The following STK25 variants were observed in gnomAD, a reference collection of about 807,000 sequenced individuals.
The protein encoded by STK25 is serine/threonine kinase 25.
A neutral mutation model predicts 53.8 loss-of-function variants in STK25; 29 were observed. The ratio of observed to expected loss-of-function variants is 0.54; its 90% CI spans 0.40 to 0.74. The LOEUF (loss-of-function observed/expected upper bound fraction) is 0.74, where lower values mean the gene tolerates loss of function less well. Among genes scored for constraint, STK25 ranks in the 30% least tolerant of loss-of-function variants. The pLI is 0.00. For synonymous variants in STK25, 247 were observed against 238.3 expected (o/e 1.04, Z -0.33); for missense variants, 420 against 568.0 (o/e 0.74, Z 2.65).
At position 241,493,593 on chromosome 2, in the gene STK25, CTTTGT is replaced by C. The variant is rs1559820767; in HGVS notation, c.*2064_*2068del. The C allele has an allele frequency of 7.9e-6, 5 of 629,708 alleles. No individual in the cohort carries two copies. Among genetic ancestry groups the C allele is most frequent in the East Asian group, 2.9e-5 (1 of 34,114 alleles). The allele number at this position is 629,708 out of a possible 1,614,324, so 39.0% of individuals were successfully genotyped here. ...CCAGCATTTCCAAAAAACAGCAATG[CTTTGT>C]TTTTTTTTTTTTTGGAGATGGCGTC... On this transcript the variant is annotated 3_prime_UTR_variant, in exon 12 of 12. Transcript: ENST00000316586.
At chr2:241,498,811 C>A in intron 7 of STK25, 27 bp from the exon 8 acceptor site, 1 of 1,613,004 alleles carries the variant, frequency 6.2e-7, no homozygotes, top group Non-Finnish European at 8.5e-7. Context: ...GAACACTAGT[C>A]ACTGGGCCCA....
Position 241,493,306 on chromosome 2 carries a change from T to TG in STK25, c.*2355dup, listed in dbSNP as rs762201085. ...GCTGTCTTGCAGGATGACTACCCAC[T>TG]GGCCAGCCTCCCGCTGCTGGGCTAC... On this transcript the variant is annotated 3_prime_UTR_variant, in exon 12 of 12. Transcript: ENST00000316586. 1 of 1,613,846 alleles carries TG rather than the reference T, an allele frequency of 6.2e-7. No homozygotes were observed. Among genetic ancestry groups the TG allele is most frequent in the Admixed American group, 1.7e-5 (1 of 60,018 alleles).
At chr2:241,502,780 CAA>C (rs1046191278) in intron 2 of STK25, among the ~76,000 whole-genome samples, 1 of 151,648 alleles carries the variant, frequency 6.6e-6, no homozygotes, top group Non-Finnish European at 1.5e-5. Flanking sequence ...TCATCAAAAA[CAA>C]AAAACCTCAG....
intron 2 of STK25, 151 bp downstream of exon 2, chr2:241,507,855 C>A: frequency 1.3e-6 from 1 of 775,478 alleles, no homozygotes; most frequent in South Asian, 1.9e-5. Context: ...GCCCTGCGCC[C>A]ACCTCAGGAC....
chr2:241,496,369 C>G lies in STK25; in HGVS notation c.1241+29G>C. On this transcript the variant is annotated intron_variant, in intron 11 of 11. Transcript: ENST00000316586. This position sits in a 1 kb window ranked among gnomAD's most constrained non-coding sequence, Gnocchi z 5.8. ...TCCAGCTTCTTGGTGGGGGTGCTCT[C>G]CCCGACCCTATGGCACGGCCGCCCT... is the stretch of plus-strand genomic sequence containing the variant. 6.2e-7 allele frequency: 1 copy of G among 1,603,576 alleles called. No homozygotes were observed. The highest frequency in any genetic ancestry group is 8.5e-7 in the Non-Finnish European group (1 of 1,173,544).
In STK25 at chr2:241,498,790, G is replaced by A; in HGVS notation, c.772-6C>T. 6.2e-7 allele frequency: 1 copy of A among 1,613,806 alleles called. No individual in the cohort carries two copies. The highest frequency in any genetic ancestry group is 8.5e-7 in the Non-Finnish European group (1 of 1,179,878). On this transcript the variant is annotated splice_region_variant and splice_polypyrimidine_tract_variant and intron_variant, in intron 7 of 11. Coordinates refer to ENST00000316586, the MANE Select transcript of STK25 (RefSeq NM_001271977.2). ...AGCTCCTTGGCCGTGGGCCGCTGCA[G>A]GGGGTCAGGGGAACACTAGTCACTG... is the stretch of plus-strand genomic sequence containing the variant.
At position 241,500,197 on chromosome 2, in the gene STK25, G is replaced by T. The variant is rs146467504; in HGVS notation, c.403C>A (p.Arg135Ser). 1 of 1,612,338 alleles carries T rather than the reference G, an allele frequency of 6.2e-7. No individual in the cohort carries two copies. The highest frequency in any genetic ancestry group is 1.1e-5 in the South Asian group (1 of 90,924). ...LKGLDYLHSE[R>S]KIHRDIKAAN... ...CCTTTGATGTCTCGGTGGATCTTGC[G>T]TTCGGAGTGCAGATAATCCAGGCCC... Residue 135 changes from arginine to serine, a missense_variant, in exon 5 of 12, where the codon CGC (arginine) becomes AGC (serine). Transcript: ENST00000316586.
intron 2 of STK25, chr2:241,504,145 T>C (rs1304520557): frequency 2.1e-6 from 1 of 470,654 alleles, no homozygotes; most frequent in Non-Finnish European, 4.4e-6. Flanking sequence ...ACCTAACCTT[T>C]CCCTGCAAGG....
chr2:241,495,227 A>G lies in STK25; in HGVS notation c.*435T>C, dbSNP rs147750538. The G allele has an allele frequency of 2.4e-5, 4 of 168,508 alleles. No individual in the cohort carries two copies. The East Asian group carries it at 6.6e-4, about 28-fold the overall frequency. The allele number at this position is 168,508 out of a possible 1,614,324, so 10.4% of individuals were successfully genotyped here. ...TATGGCCATCATGGGCCCCGGGAGG[A>G]CAGCGGCCAGGACACTCCTCTGGGG... On this transcript the variant is annotated 3_prime_UTR_variant, in exon 12 of 12. Transcript: ENST00000316586.
At chr2:241,495,900 G>A (rs1024664160) in intron 11 of STK25, among the ~76,000 whole-genome samples, 199 bp from the exon 12 acceptor site, 7 of 152,232 alleles carry the variant, frequency 4.6e-5, no homozygotes, top group Admixed American at 2.6e-4. Context: ...GCCCAGGGGC[G>A]CCGGGAAGGG....
chr2:241,503,696 C>CAAA (rs60021706), intron 2 of STK25, among the ~76,000 whole-genome samples: 4 of 100,280 alleles, frequency 4.0e-5, no homozygotes, highest in East Asian at 3.6e-4. Context: ...GACTCCGTCT[C>CAAA]AAAAAAAAAA....
rs2064995850 is a variant in STK25, at chr2:241,493,247, G to A, written c.*2415C>T. On this transcript the variant is annotated 3_prime_UTR_variant, in exon 12 of 12. Coordinates refer to ENST00000316586, the MANE Select transcript of STK25 (RefSeq NM_001271977.2). ...GGTAGCAGAGGAATGGGCATTCCCT[G>A]TGGCAACCCAGCCCCTGGAACCCGT... 6.2e-7 allele frequency: 1 copy of A among 1,601,930 alleles called. No homozygotes were observed. The highest frequency in any genetic ancestry group is 1.1e-5 in the South Asian group (1 of 90,420).
At chr2:241,504,274 G>A (rs146617471) in intron 2 of STK25, among the ~76,000 whole-genome samples, 46 of 152,298 alleles carry the variant, frequency 3.0e-4, no homozygotes, top group Middle Eastern at 3.4e-3. Context: ...TGAGACAGCT[G>A]GTCGAGTCAA....
Position 241,497,615 on chromosome 2 carries a change from C to T in STK25, c.1104+1G>A. The T allele has an allele frequency of 6.2e-7, 1 of 1,613,360 alleles. No individual in the cohort carries two copies. Among genetic ancestry groups the T allele is most frequent in the Non-Finnish European group, 8.5e-7 (1 of 1,179,834 alleles). On this transcript the variant is annotated splice_donor_variant, in intron 10 of 11. Coordinates refer to ENST00000316586, the MANE Select transcript of STK25 (RefSeq NM_001271977.2). LOFTEE classifies it high-confidence loss of function. Reference sequence around the variant, plus strand: ...AGGCCCAGTCCCAGCCCCATCCTCACCTCTCCGAAGACGGGCCGGACCAGC... The same window carrying T: ...AGGCCCAGTCCCAGCCCCATCCTCATCTCTCCGAAGACGGGCCGGACCAGC...
At chr2:241,507,248 G>A (rs2065887073) in intron 2 of STK25, among the ~76,000 whole-genome samples, 1 of 152,214 alleles carries the variant, frequency 6.6e-6, no homozygotes, top group South Asian at 2.1e-4. Context: ...GCCCCAGGTT[G>A]GCTGACCCCA....
Position 241,501,603 on chromosome 2 carries a change from C to G in STK25, c.136G>C (p.Val46Leu). Residue 46 changes from valine to leucine, a missense_variant, in exon 3 of 12, where the codon GTG becomes CTG. Coordinates refer to ENST00000316586, the MANE Select transcript of STK25 (RefSeq NM_001271977.2). This position sits in a 1 kb window ranked among gnomAD's most constrained non-coding sequence, Gnocchi z 5.3. ...KGIDNHTKEV[V>L]AIKIIDLEEA... Reference sequence around the variant, plus strand: ...TCCAGGTCGATGATCTTGATGGCCACCACCTCCTTTGTGTGGTTATCGATG... The same window carrying G: ...TCCAGGTCGATGATCTTGATGGCCAGCACCTCCTTTGTGTGGTTATCGATG... 6.2e-7 allele frequency: 1 copy of G among 1,614,154 alleles called. No individual in the cohort carries two copies. The highest frequency in any genetic ancestry group is 8.5e-7 in the Non-Finnish European group (1 of 1,180,038).
In STK25 at chr2:241,496,560, C is replaced by T; in HGVS notation, c.1105-26G>A. On this transcript the variant is annotated intron_variant, in intron 10 of 11. Coordinates refer to ENST00000316586, the MANE Select transcript of STK25 (RefSeq NM_001271977.2). The surrounding 1 kb of genome is among the most constrained non-coding windows in gnomAD (Gnocchi z 5.8). ...CTGTGAAAAGACCACCACGCCTGAC[C>T]CTGGACCCCAGGACAGGCCTTCAGG... The T allele has an allele frequency of 1.2e-6, 2 of 1,607,470 alleles. No individual in the cohort carries two copies. Among genetic ancestry groups the T allele is most frequent in the Non-Finnish European group, 1.7e-6 (2 of 1,175,822 alleles).
intron 2 of STK25, among the ~76,000 whole-genome samples, chr2:241,503,767 G>C (rs1356120787): frequency 6.6e-6 from 1 of 151,600 alleles, no homozygotes. Context: ...GACAGGACAG[G>C]TCCTTGGGTG....
rs979856569 is a variant in STK25 at position 241,500,399 on chromosome 2, CT to C, written c.319-119del. The C allele has an allele frequency of 1.0e-5, 7 of 698,222 alleles. No homozygotes were observed. In the Admixed American group the frequency reaches 1.5e-4, roughly 15 times the overall value. The allele number at this position is 698,222 out of a possible 1,614,324, so 43.3% of individuals were successfully genotyped here. A position where few individuals can be genotyped will look rare whatever the true frequency, so the allele number is the denominator to read the frequency against. On this transcript the variant is annotated intron_variant, in intron 4 of 11. Transcript: ENST00000316586. ...GCAGATAGCTGGGGGCTTCGTGTTCCTTTACTTCCCAAACAGAACTAAGTTT... is the reference window on the plus strand; with the variant it reads ...GCAGATAGCTGGGGGCTTCGTGTTCCTTACTTCCCAAACAGAACTAAGTTT...
Sources: allele counts gnomAD v4.1 joint callset (sites outside exome capture counted in the v4.1 genomes callset), GRCh38; gene constraint gnomAD v4.1.1; non-coding constraint Gnocchi (gnomAD v3.1); transcripts MANE v1.5; gene names NCBI Gene and HGNC (gene_info 2026-07-23, HGNC 2026-07-21).